Variants in NDST4 observed in about 807,000 individuals in gnomAD.
NDST4 encodes the protein N-heparan sulfate sulfotransferase 4.
A neutral mutation model predicts 100.8 loss-of-function variants in NDST4; 63 were observed. The ratio of observed to expected loss-of-function variants is 0.62; its 90% CI spans 0.51 to 0.77. NDST4 has a LOEUF of 0.77. Among genes scored for constraint, NDST4 ranks in the 30% least tolerant of loss-of-function variants. The pLI is 0.00. For synonymous variants in NDST4, 377 were observed against 361.8 expected, an observed-to-expected ratio of 1.04 and a Z score of -0.48; for missense variants, 943 against 1,018.4, an observed-to-expected ratio of 0.93 and a Z score of 1.01.
chr4:115,051,462 T>C (rs1728582024), intron 2 of NDST4, among the ~76,000 whole-genome samples: 1 of 152,094 alleles, frequency 6.6e-6, no homozygotes, highest in Non-Finnish European at 1.5e-5. Context: ...CTATTCTCTA[T>C]CTTCAAAAAA....
chr4:114,981,747 A>C (rs1726778705), intron 2 of NDST4, among the ~76,000 whole-genome samples: 1 of 152,112 alleles, frequency 6.6e-6, no homozygotes, highest in African/African-American at 2.4e-5. Flanking sequence ...AATCATTTGG[A>C]TATTAGGTTG....
chr4:114,919,267 T>G (rs1725240329), intron 6 of NDST4, among the ~76,000 whole-genome samples: 1 of 152,056 alleles, frequency 6.6e-6, no homozygotes, highest in Non-Finnish European at 1.5e-5. Context: ...GTTGGTGATA[T>G]GAAGGTGGGG....
chr4:115,093,407 A>G (rs568558591), intron 1 of NDST4, among the ~76,000 whole-genome samples: 114 of 152,072 alleles, frequency 7.5e-4, no homozygotes, highest in South Asian at 7.3e-3. Flanking sequence ...TCCGGGAGGC[A>G]GAGCTTGTAG....
chr4:115,107,561 A>G (rs943416816), intron 1 of NDST4, among the ~76,000 whole-genome samples: 6 of 152,112 alleles, frequency 3.9e-5, no homozygotes, highest in African/African-American at 1.4e-4. Context: ...CTGCCTTATC[A>G]GAAAGGCATT....
chr4:115,107,575 T>C (rs1729856559), intron 1 of NDST4, among the ~76,000 whole-genome samples: 1 of 152,086 alleles, frequency 6.6e-6, no homozygotes, highest in African/African-American at 2.4e-5. Flanking sequence ...AGGCATTTCC[T>C]GACCAGTCCT....
intron 2 of NDST4, among the ~76,000 whole-genome samples, chr4:115,015,845 A>G (rs1458778027): frequency 6.6e-6 from 1 of 151,994 alleles, no homozygotes; most frequent in Admixed American, 6.6e-5. Context: ...CCACTGATGC[A>G]CAGTCTGCCA....
At chr4:114,872,519 A>G (rs1233462045) in intron 6 of NDST4, among the ~76,000 whole-genome samples, 8 of 152,010 alleles carry the variant, frequency 5.3e-5, no homozygotes, top group Non-Finnish European at 8.8e-5. Flanking sequence ...TGAAAAAAAT[A>G]TCTGAAGAAA....
chr4:114,896,353 G>A (rs1478330354), intron 6 of NDST4, among the ~76,000 whole-genome samples: 1 of 152,108 alleles, frequency 6.6e-6, no homozygotes, highest in Non-Finnish European at 1.5e-5. Context: ...GCCGGGCACG[G>A]TGGCTCACGC....
intron 8 of NDST4, among the ~76,000 whole-genome samples, chr4:114,851,028 G>A (rs545424723): frequency 6.6e-6 from 1 of 152,252 alleles, no homozygotes; most frequent in Non-Finnish European, 1.5e-5. Flanking sequence ...ATGGCAAAGT[G>A]AAATATCACG....
At chr4:114,962,016 T>C (rs1296876192) in intron 4 of NDST4, among the ~76,000 whole-genome samples, 1 of 152,064 alleles carries the variant, frequency 6.6e-6, no homozygotes, top group Non-Finnish European at 1.5e-5. Flanking sequence ...ATCATAGGAA[T>C]ACAAGGTTAA....
chr4:114,934,000 A>G (rs530920338), intron 6 of NDST4, among the ~76,000 whole-genome samples: 2 of 152,170 alleles, frequency 1.3e-5, no homozygotes, highest in Non-Finnish European at 2.9e-5. Flanking sequence ...TATATAGCCA[A>G]ACGAAATGAA....
At chr4:115,006,373 C>T (rs1244683518) in intron 2 of NDST4, among the ~76,000 whole-genome samples, 1 of 151,826 alleles carries the variant, frequency 6.6e-6, no homozygotes, top group Non-Finnish European at 1.5e-5. Context: ...TGAATAGAAG[C>T]TGAATCAGCC....
chr4:114,921,095 A>T (rs1725276925), intron 6 of NDST4, among the ~76,000 whole-genome samples: 1 of 152,202 alleles, frequency 6.6e-6, no homozygotes, highest in Non-Finnish European at 1.5e-5. Context: ...AGTGTTTCCA[A>T]AAATGTGTCT....
At chr4:114,895,596 A>C (rs902961899) in intron 6 of NDST4, among the ~76,000 whole-genome samples, 2 of 150,864 alleles carry the variant, frequency 1.3e-5, no homozygotes, top group African/African-American at 4.9e-5. Context: ...AAACTGTTCT[A>C]AACAATTTAA....
chr4:115,020,659 A>G (rs1485985018), intron 2 of NDST4, among the ~76,000 whole-genome samples: 2 of 152,152 alleles, frequency 1.3e-5, no homozygotes, highest in African/African-American at 2.4e-5. Flanking sequence ...CTATACATCT[A>G]TACATCTGAA....
chr4:114,867,665 C>CAAAAAAAAAAAAAAAAAAAAAAG, intron 7 of NDST4, among the ~76,000 whole-genome samples: 4 of 79,898 alleles, frequency 5.0e-5, no homozygotes, highest in African/African-American at 1.5e-4. Flanking sequence ...AAAAAAAAAG[C>CAAAAAAAAAAAAAAAAAAAAAAG]AAAAAAAAAA....
At chr4:114,868,884 A>G (rs1447971893) in intron 7 of NDST4, among the ~76,000 whole-genome samples, 1 of 150,634 alleles carries the variant, frequency 6.6e-6, no homozygotes, top group African/African-American at 2.4e-5. Flanking sequence ...CTTATGATGA[A>G]CTTCCTAGGA....
At chr4:114,935,851 C>T (rs1725618610) in intron 5 of NDST4, among the ~76,000 whole-genome samples, 1 of 152,054 alleles carries the variant, frequency 6.6e-6, no homozygotes, top group African/African-American at 2.4e-5. Flanking sequence ...GTGATTACTT[C>T]TGGTATATTT....
At chr4:114,967,981 C>T (rs1210113722) in intron 4 of NDST4, among the ~76,000 whole-genome samples, 1 of 152,100 alleles carries the variant, frequency 6.6e-6, no homozygotes. Flanking sequence ...AATGGAGAAA[C>T]AGACATAGAG....
Sources: allele counts gnomAD v4.1 joint callset (sites outside exome capture counted in the v4.1 genomes callset), GRCh38; gene constraint gnomAD v4.1.1; transcripts MANE v1.5; gene names NCBI Gene and HGNC (gene_info 2026-07-23, HGNC 2026-07-21).